The following DENND5A variants were observed in gnomAD, a reference collection of about 807,000 sequenced individuals.
DENND5A encodes the protein DENN domain containing 5A.
A neutral mutation model predicts 140.3 loss-of-function variants in DENND5A; 64 were observed. That is an observed-to-expected ratio of 0.46 (90% CI 0.37 to 0.56). The LOEUF is 0.56. Among genes scored for constraint, DENND5A ranks in the 20% least tolerant of loss-of-function variants. The pLI is 0.00. For missense variants in DENND5A, 1,292 were observed against 1,593.8 expected, an observed-to-expected ratio of 0.81 and a Z score of 3.22; for synonymous variants, 605 against 607.7, an observed-to-expected ratio of 1.00 and a Z score of 0.07.
At chr11:9,151,361 GCTACA>G (rs1365986413) in intron 13 of DENND5A, among the ~76,000 whole-genome samples, 1 of 152,058 alleles carries the variant, frequency 6.6e-6, no homozygotes, top group Non-Finnish European at 1.5e-5. Context: ...AGAATTTTTG[GCTACA>G]GTTTATTCCT....
intron 1 of DENND5A, among the ~76,000 whole-genome samples, chr11:9,228,959 A>G (rs1850648369): frequency 6.6e-6 from 1 of 152,150 alleles, no homozygotes; most frequent in African/African-American, 2.4e-5. Context: ...CAAATTATGC[A>G]AACTTAGGAA....
chr11:9,182,958 G>C (rs1848782798), intron 5 of DENND5A, among the ~76,000 whole-genome samples: 1 of 152,088 alleles, frequency 6.6e-6, no homozygotes, highest in South Asian at 2.1e-4. Flanking sequence ...TGATGGATAT[G>C]CTAATTACCA....
intron 10 of DENND5A, among the ~76,000 whole-genome samples, chr11:9,167,269 C>G (rs7930192): frequency 0.12 from 18,725 of 151,822 alleles, 1,268 homozygotes; most frequent in South Asian, 0.17. Flanking sequence ...TAATCTATCT[C>G]TACTACCAAC....
rs1218948901 is a variant in DENND5A, at chr11:9,144,225, C to T, written c.3176G>A (p.Arg1059Gln). ...TGTGAGCAGCTCCCCAACTAGGATC[C>T]GCTCCAGGCTTCCATCATCCATGCC... is the stretch of plus-strand genomic sequence containing the variant. ...GKGMDDGSLE[R>Q]ILVGELLTSQ... The change falls in exon 19 of 23, where the codon CGG (arginine) becomes CAG (glutamine). Residue 1059 changes from arginine (R) to glutamine (Q), a missense_variant. Arg to Gln is a conservative substitution (Grantham distance 43, BLOSUM62 1). Coordinates refer to ENST00000328194, the MANE Select transcript of DENND5A (RefSeq NM_015213.4). 5 of 1,614,060 alleles carry T rather than the reference C, an allele frequency of 3.1e-6. No individual in the cohort carries two copies. The highest frequency in any genetic ancestry group is 2.2e-5 in the East Asian group (1 of 44,892).
chr11:9,252,952 C>G (rs1851794831), intron 1 of DENND5A, among the ~76,000 whole-genome samples: 1 of 151,778 alleles, frequency 6.6e-6, no homozygotes, highest in Admixed American at 6.6e-5. Flanking sequence ...CTGGACTCAG[C>G]TGATCTGCCA....
chr11:9,240,677 T>C (rs934238190), intron 1 of DENND5A, among the ~76,000 whole-genome samples: 2 of 150,064 alleles, frequency 1.3e-5, no homozygotes, highest in African/African-American at 4.9e-5. Flanking sequence ...GCCACCGTAC[T>C]CCAGCCTGGG....
chr11:9,241,177 G>A (rs373590797), intron 1 of DENND5A, among the ~76,000 whole-genome samples: 1 of 152,088 alleles, frequency 6.6e-6, no homozygotes, highest in Non-Finnish European at 1.5e-5. Context: ...CAGTTATTCG[G>A]GTACTGAACT....
intron 12 of DENND5A, among the ~76,000 whole-genome samples, chr11:9,153,785 G>A (rs910969819): frequency 5.3e-5 from 8 of 152,198 alleles, no homozygotes; most frequent in Admixed American, 6.5e-5. Flanking sequence ...GAACCTTGGC[G>A]TTTGGAAAGG....
intron 10 of DENND5A, among the ~76,000 whole-genome samples, chr11:9,169,495 G>GCGCACACACA (rs1554916426): frequency 6.9e-6 from 1 of 145,716 alleles, no homozygotes; most frequent in African/African-American, 2.5e-5. Context: ...ATATACACAC[G>GCGCACACACA]CACACACACA....
chr11:9,202,674 G>A (rs12275447), intron 4 of DENND5A, among the ~76,000 whole-genome samples: 2,619 of 152,216 alleles, frequency 0.017, 81 homozygotes, highest in African/African-American at 0.06. Context: ...CTGGCCTCCA[G>A]TTAAGTCTCT....
chr11:9,186,794 A>T (rs1693980360), intron 5 of DENND5A, among the ~76,000 whole-genome samples: 1 of 152,180 alleles, frequency 6.6e-6, no homozygotes, highest in Non-Finnish European at 1.5e-5. Flanking sequence ...ACTGAGTTTT[A>T]AAAGAGCCGG....
Position 9,150,708 on chromosome 11 carries a change from G to A in DENND5A, c.2578C>T (p.Leu860=), listed in dbSNP as rs746403017. 9.9e-6 allele frequency: 16 copies of A among 1,613,496 alleles called. No individual in the cohort carries two copies. The South Asian group carries it at 1.6e-4, about 17-fold the overall frequency. ...KSDASSLMPP[L]RISLIQDMRH... ...ATATCCTGAATCAGGGAGATCCTCAGGGGAGGCATGAGTGAGCTGGCATCA... is the reference window on the plus strand; with the variant it reads ...ATATCCTGAATCAGGGAGATCCTCAAGGGAGGCATGAGTGAGCTGGCATCA... The change falls in exon 14 of 23, where the codon CTG becomes TTG. Residue 860 remains leucine, a synonymous_variant. Transcript: ENST00000328194.
intron 1 of DENND5A, among the ~76,000 whole-genome samples, chr11:9,261,142 C>A (rs567935244): frequency 6.6e-6 from 1 of 152,284 alleles, no homozygotes; most frequent in East Asian, 1.9e-4. Context: ...TGAGCTACTG[C>A]GCCCAGCCTC....
At chr11:9,203,117 G>A (rs1289918989) in intron 4 of DENND5A, among the ~76,000 whole-genome samples, 2 of 152,094 alleles carry the variant, frequency 1.3e-5, no homozygotes, top group Non-Finnish European at 2.9e-5. Flanking sequence ...CATGTTACTA[G>A]CCTGGCTCAT....
intron 5 of DENND5A, among the ~76,000 whole-genome samples, chr11:9,183,304 T>C (rs1848795893): frequency 6.6e-6 from 1 of 152,354 alleles, no homozygotes; most frequent in East Asian, 1.9e-4. Flanking sequence ...TTGAGGATTA[T>C]ATAACAATAA....
chr11:9,183,723 T>C (rs1024806595), intron 5 of DENND5A, among the ~76,000 whole-genome samples: 1 of 152,188 alleles, frequency 6.6e-6, no homozygotes, highest in Admixed American at 6.5e-5. Context: ...TTTTAAATTT[T>C]ATACAAGGAT....
At position 9,160,491 on chromosome 11, in the gene DENND5A, T is replaced by C. The variant is rs1015570407; in HGVS notation, c.2436+222A>G. Among the ~76,000 whole-genome samples, 3 of 152,228 alleles carry C rather than the reference T, an allele frequency of 2.0e-5. No individual in the cohort carries two copies. The South Asian group carries it at 6.2e-4, about 31-fold the overall frequency. On this transcript the variant is annotated intron_variant, in intron 12 of 22. Transcript: ENST00000328194. ...TCAGCTCTACCCCCAGGAAGAAAGA[T>C]GCCTCTTTTTAAAAGTCTGACAAAC...
At chr11:9,156,095 G>T (rs1847792546) in intron 12 of DENND5A, among the ~76,000 whole-genome samples, 1 of 152,220 alleles carries the variant, frequency 6.6e-6, no homozygotes, top group Non-Finnish European at 1.5e-5. Flanking sequence ...CGCTGGATTG[G>T]AAGATAACTG....
chr11:9,193,811 G>GTT, intron 4 of DENND5A, 130 bp from the exon 5 acceptor site: 1 of 799,500 alleles, frequency 1.3e-6, no homozygotes, highest in Non-Finnish European at 1.9e-6. Context: ...ACTTCAGCTA[G>GTT]GGTATGCTCA....
Sources: gnomAD v4.1 joint callset for allele counts (sites outside exome capture counted in the v4.1 genomes callset) on GRCh38, gnomAD v4.1.1 for gene constraint, MANE v1.5 for transcripts, NCBI Gene and HGNC (gene_info 2026-07-23, HGNC 2026-07-21) for gene names.